The following NTM variants were observed in gnomAD, a reference collection of about 807,000 sequenced individuals.
NTM encodes IgLON family member 2.
NTM carries 13 observed loss-of-function variants against 42.1 expected under a neutral mutation model. The ratio of observed to expected loss-of-function variants is 0.31; its 90% CI spans 0.20 to 0.49. The LOEUF is 0.49. NTM is among the 20% of genes least tolerant of loss of function. NTM has a pLI of 0.99. For missense variants in NTM, 373 were observed against 452.8 expected (o/e 0.82, Z 1.60); for synonymous variants, 187 against 179.2 (o/e 1.04, Z -0.35).
chr11:132,032,902 T>G (rs995431417), intron 2 of NTM, among the ~76,000 whole-genome samples: 1 of 152,238 alleles, frequency 6.6e-6, no homozygotes, highest in Non-Finnish European at 1.5e-5. Flanking sequence ...GGAAGAATGC[T>G]GTATTTATCA....
chr11:131,572,690 G>C (rs1009502944), intron 1 of NTM, among the ~76,000 whole-genome samples: 1 of 152,280 alleles, frequency 6.6e-6, no homozygotes, highest in South Asian at 2.1e-4. Flanking sequence ...GAGGCTCTGG[G>C]AGCTTAAAAA....
intron 1 of NTM, among the ~76,000 whole-genome samples, chr11:131,615,319 A>G (rs1424336979): frequency 6.6e-6 from 1 of 152,048 alleles, no homozygotes; most frequent in Non-Finnish European, 1.5e-5. Flanking sequence ...AGGGGCCTTC[A>G]AAGTTTAGCA....
chr11:132,043,147 C>T (rs1737513513), intron 2 of NTM, among the ~76,000 whole-genome samples: 1 of 152,080 alleles, frequency 6.6e-6, no homozygotes. Context: ...GAAGACATTG[C>T]TTTTTGGTCG....
At chr11:131,547,613 T>C (rs2054114524) in intron 1 of NTM, among the ~76,000 whole-genome samples, 1 of 152,138 alleles carries the variant, frequency 6.6e-6, no homozygotes, top group Non-Finnish European at 1.5e-5. Context: ...CCTTGTCAGG[T>C]TGAGGTAGTT....
chr11:131,926,260 C>T (rs955974750), intron 2 of NTM, among the ~76,000 whole-genome samples: 3 of 152,152 alleles, frequency 2.0e-5, no homozygotes, highest in African/African-American at 4.8e-5. Flanking sequence ...AGCCCTTGAG[C>T]AGCGCACAAG....
At chr11:132,162,668 A>AGT (rs199785154) in intron 3 of NTM, among the ~76,000 whole-genome samples, 2 of 129,766 alleles carry the variant, frequency 1.5e-5, no homozygotes, top group African/African-American at 2.9e-5. Flanking sequence ...GGCTTGTGTG[A>AGT]GTGTGTGTGT....
At chr11:131,385,658 G>A (rs1943225851) in intron 1 of NTM, among the ~76,000 whole-genome samples, 1 of 152,102 alleles carries the variant, frequency 6.6e-6, no homozygotes, top group Admixed American at 6.6e-5. Context: ...TTCATGACCA[G>A]CCTGGGCAAT....
chr11:132,076,911 T>C (rs2058441630), intron 2 of NTM, among the ~76,000 whole-genome samples: 2 of 152,230 alleles, frequency 1.3e-5, no homozygotes. Context: ...GTCTCATGTT[T>C]TCTTTGAAGT....
intron 3 of NTM, among the ~76,000 whole-genome samples, chr11:132,210,957 G>A (rs2082730097): frequency 6.9e-6 from 1 of 145,958 alleles, no homozygotes; most frequent in African/African-American, 2.5e-5. Flanking sequence ...GAAGGTGGGG[G>A]AGAGAGAGAG....
chr11:131,770,382 G>C (rs1203334271), intron 1 of NTM, among the ~76,000 whole-genome samples: 1 of 152,152 alleles, frequency 6.6e-6, no homozygotes, highest in Admixed American at 6.5e-5. Context: ...CAGCACAGTT[G>C]ACTTTGTCTC....
At chr11:131,795,097 T>C (rs1416724751) in intron 1 of NTM, 1 of 561,266 alleles carries the variant, frequency 1.8e-6, no homozygotes, top group East Asian at 1.5e-4. Context: ...TCACATCTTG[T>C]TTATTCTTTA....
At chr11:131,619,819 T>C (rs928579975) in intron 1 of NTM, among the ~76,000 whole-genome samples, 14 of 150,880 alleles carry the variant, frequency 9.3e-5, no homozygotes, top group African/African-American at 2.7e-4. Flanking sequence ...ACATCTTCTT[T>C]TTTTTTTTTT....
intron 2 of NTM, among the ~76,000 whole-genome samples, chr11:132,140,377 T>A (rs2068844062): frequency 6.6e-6 from 1 of 152,218 alleles, no homozygotes; most frequent in African/African-American, 2.4e-5. Flanking sequence ...TGCTTCTACC[T>A]AGGCATGATG....
At chr11:131,645,659 T>G (rs1286620789) in intron 1 of NTM, among the ~76,000 whole-genome samples, 3 of 152,240 alleles carry the variant, frequency 2.0e-5, no homozygotes, top group African/African-American at 7.2e-5. Flanking sequence ...GTCCATTTTT[T>G]TTTACTTATT....
intron 2 of NTM, among the ~76,000 whole-genome samples, chr11:131,941,075 G>A (rs944013526): frequency 2.0e-5 from 3 of 152,186 alleles, no homozygotes; most frequent in African/African-American, 4.8e-5. Flanking sequence ...AGATATTCTC[G>A]AGGGTAATGA....
intron 2 of NTM, among the ~76,000 whole-genome samples, chr11:131,923,945 G>A (rs1377414178): frequency 6.6e-6 from 1 of 152,182 alleles, no homozygotes; most frequent in African/African-American, 2.4e-5. Flanking sequence ...TCATTTGAAG[G>A]GACTAATAAT....
intron 3 of NTM, among the ~76,000 whole-genome samples, chr11:132,174,012 C>G (rs1451091385): frequency 6.6e-6 from 1 of 152,078 alleles, no homozygotes; most frequent in Admixed American, 6.5e-5. Flanking sequence ...AGGCTTGGAC[C>G]ATGTCTTATA....
intron 1 of NTM, among the ~76,000 whole-genome samples, chr11:131,791,500 A>G (rs550735953): frequency 6.6e-6 from 1 of 152,224 alleles, no homozygotes; most frequent in Admixed American, 6.5e-5. Flanking sequence ...ACTGAATACA[A>G]CTATGTAACT....
chr11:132,183,698 G>T (rs543669605), intron 3 of NTM, among the ~76,000 whole-genome samples: 1 of 152,106 alleles, frequency 6.6e-6, no homozygotes, highest in Non-Finnish European at 1.5e-5. Flanking sequence ...AGAAACTTTA[G>T]ACTCACCAAC....
Sources: allele counts gnomAD v4.1 joint callset (sites outside exome capture counted in the v4.1 genomes callset), GRCh38; gene constraint gnomAD v4.1.1; transcripts MANE v1.5; gene names NCBI Gene and HGNC (gene_info 2026-07-23, HGNC 2026-07-21).